The following HDAC9 variants were observed in gnomAD, a reference collection of about 807,000 sequenced individuals.
HDAC9 encodes the protein MEF-2 interacting transcription repressor (MITR) protein.
HDAC9 carries 41 observed loss-of-function variants against 139.4 expected under a neutral mutation model. The observed-to-expected ratio is 0.29, with a 90% CI of 0.23 to 0.38. HDAC9 has a LOEUF of 0.38. Ranked by LOEUF, HDAC9 falls within the 10% of genes least tolerant of loss-of-function variation. The pLI, the probability that HDAC9 is intolerant of heterozygous loss-of-function variation, is 1.00. For missense variants in HDAC9, 1,147 were observed against 1,297.0 expected, an observed-to-expected ratio of 0.88 and a Z score of 1.78; for synonymous variants, 517 against 476.2, an observed-to-expected ratio of 1.09 and a Z score of -1.12.
At chr7:18,970,285 G>C (rs1160928165) in intron 24 of HDAC9, among the ~76,000 whole-genome samples, 1 of 152,158 alleles carries the variant, frequency 6.6e-6, no homozygotes, top group Non-Finnish European at 1.5e-5. Flanking sequence ...AATTCTGCTT[G>C]TGTTATTTTC....
At position 18,634,642 on chromosome 7, in the gene HDAC9, G is replaced by A; in HGVS notation, c.812G>A (p.Ser271Asn). The A allele has an allele frequency of 6.3e-7, 1 of 1,581,824 alleles. No individual in the cohort carries two copies. Among genetic ancestry groups the A allele is most frequent in the Non-Finnish European group, 8.6e-7 (1 of 1,161,574 alleles). ...TATTTTTCAGAATCCTCAGTCAGTA[G>A]CAGTTCTCCAGGCTCTGGTCCCAGT... Reference protein sequence around the residue: ...MFEVTESSVSSSSPGSGPSSP... With the variant: ...MFEVTESSVSNSSPGSGPSSP... Residue 271 changes from serine to asparagine, a missense_variant, in exon 8 of 26, where the codon AGC (serine) becomes AAC (asparagine). Physicochemically the swap from Ser to Asn is conservative, Grantham distance 46 (BLOSUM62 1). Around this residue, in one of 7 missense-constraint regions of HDAC9, gnomAD observed 264 missense variants for 273.8 expected, o/e 0.96. Transcript: ENST00000686413.
At chr7:18,325,124 C>A (rs1465039729) in intron 1 of HDAC9, among the ~76,000 whole-genome samples, 1 of 151,912 alleles carries the variant, frequency 6.6e-6, no homozygotes, top group Non-Finnish European at 1.5e-5. Flanking sequence ...ACAAGAAGTA[C>A]TAGAAGTTAA....
At position 18,315,093 on chromosome 7, in the gene HDAC9, T is replaced by G. The variant is rs1180367125; in HGVS notation, c.-42+24578T>G. 2.6e-5 allele frequency among the ~76,000 whole-genome samples: 4 copies of G among 152,220 alleles called. No individual in the cohort carries two copies. In the East Asian group the frequency reaches 7.7e-4, roughly 29 times the overall value. On this transcript the variant is annotated intron_variant, in intron 1 of 3. Transcript: ENST00000413509. ...TATTAGGCAGAGTATCAGAACAGAA[T>G]GCATTTCTGTAATCCTCATGTTAAA...
chr7:18,920,110 T>C (rs1803564273), intron 22 of HDAC9, among the ~76,000 whole-genome samples: 2 of 152,162 alleles, frequency 1.3e-5, no homozygotes, highest in Non-Finnish European at 2.9e-5. Context: ...TTCACAAGAT[T>C]GATTCTTCCT....
intron 16 of HDAC9, among the ~76,000 whole-genome samples, chr7:18,772,929 T>G (rs1044417707): frequency 6.6e-6 from 1 of 152,124 alleles, no homozygotes; most frequent in Non-Finnish European, 1.5e-5. Flanking sequence ...TTGCATAGAT[T>G]ATGCTAATTG....
At chr7:18,935,760 A>G (rs749060621) in intron 22 of HDAC9, 49 bp from the exon 23 acceptor site, 2 of 1,552,658 alleles carry the variant, frequency 1.3e-6, no homozygotes, top group East Asian at 2.3e-5. Context: ...TCTAGTGATC[A>G]CTTTCTCTTG....
At chr7:18,133,197 CAAAA>C (rs1785141057) in intron 1 of HDAC9, among the ~76,000 whole-genome samples, 2 of 152,024 alleles carry the variant, frequency 1.3e-5, no homozygotes, top group Non-Finnish European at 2.9e-5. Flanking sequence ...AACTCTGGCT[CAAAA>C]TAGAACAAAT....
intron 2 of HDAC9, among the ~76,000 whole-genome samples, chr7:18,246,252 A>G (rs1199637974): frequency 6.6e-6 from 1 of 151,298 alleles, no homozygotes; most frequent in Non-Finnish European, 1.5e-5. Flanking sequence ...ACAGAGACTT[A>G]GAGGTGGAAG....
In HDAC9 at chr7:18,495,917, A is replaced by C; in HGVS notation, c.-148A>C. ...AATTTTCTACGTATTCTGACAAAGA[A>C]ATAACCCCGAAGCACGTTCCTATTT... On this transcript the variant is annotated 5_prime_UTR_variant, in exon 1 of 26. Coordinates refer to ENST00000686413, the MANE Select transcript of HDAC9 (RefSeq NM_178425.4). The C allele has an allele frequency of 8.2e-7, 1 of 1,216,842 alleles. No homozygotes were observed. The highest frequency in any genetic ancestry group is 1.0e-6 in the Non-Finnish European group (1 of 978,574). The allele number at this position is 1,216,842 out of a possible 1,614,324, so 75.4% of individuals were successfully genotyped here.
chr7:18,570,365 A>G (rs1434684373), intron 2 of HDAC9, among the ~76,000 whole-genome samples: 3 of 152,192 alleles, frequency 2.0e-5, no homozygotes, highest in Non-Finnish European at 4.4e-5. Context: ...AAGTGTGTCA[A>G]AATATGAAGA....
chr7:18,972,065 T>C (rs1186050710), intron 24 of HDAC9, among the ~76,000 whole-genome samples: 6 of 152,228 alleles, frequency 3.9e-5, no homozygotes, highest in Non-Finnish European at 7.3e-5. Context: ...ATTCTAAATG[T>C]GCATATTATG....
chr7:18,207,677 GTC>G (rs1417120126), intron 2 of HDAC9, among the ~76,000 whole-genome samples: 4 of 150,842 alleles, frequency 2.7e-5, no homozygotes, highest in Non-Finnish European at 5.9e-5. Flanking sequence ...CTTACATACT[GTC>G]TCTCATAATT....
intron 25 of HDAC9, among the ~76,000 whole-genome samples, chr7:18,993,920 A>C (rs1360903748): frequency 6.6e-6 from 1 of 152,254 alleles, no homozygotes; most frequent in Non-Finnish European, 1.5e-5. Flanking sequence ...AAAGAGGTCA[A>C]TATAAAATGA....
intron 2 of HDAC9, among the ~76,000 whole-genome samples, chr7:18,180,493 G>A (rs987747390): frequency 5.3e-5 from 8 of 151,670 alleles, no homozygotes; most frequent in Non-Finnish European, 7.4e-5. Context: ...TCCATCCTGC[G>A]GCCATATGAG....
In HDAC9 at chr7:18,165,717, G is replaced by C. The variant is rs62449104; in HGVS notation, c.25+3368G>C. Among the ~76,000 whole-genome samples, 1,389 of 151,730 alleles carry C rather than the reference G, an allele frequency of 9.2e-3. 12 individuals carry two copies. Among genetic ancestry groups the C allele is most frequent in the Non-Finnish European group, 0.014 (977 of 67,924 alleles). On this transcript the variant is annotated intron_variant, in intron 2 of 12. Coordinates refer to the HDAC9 transcript ENST00000417496. ...AGGTGGGAGGATTGCTCGAGCCCAG[G>C]AGGTCAAGGCTGCAGTGAGTGAGCC...
chr7:18,805,150 C>G (rs1793604061), intron 17 of HDAC9, among the ~76,000 whole-genome samples: 1 of 152,126 alleles, frequency 6.6e-6, no homozygotes, highest in Non-Finnish European at 1.5e-5. Flanking sequence ...TGCTCAGTCC[C>G]CTTCCTAAGC....
intron 17 of HDAC9, among the ~76,000 whole-genome samples, chr7:18,823,179 G>A (rs1795117046): frequency 1.3e-5 from 2 of 152,148 alleles, no homozygotes; most frequent in Non-Finnish European, 2.9e-5. Flanking sequence ...TGGTGGGGTA[G>A]GTGGGTAGAA....
intron 2 of HDAC9, among the ~76,000 whole-genome samples, chr7:18,533,040 A>T (rs1809564981): frequency 6.6e-6 from 1 of 152,218 alleles, no homozygotes; most frequent in Admixed American, 6.5e-5. Flanking sequence ...AATCAAATCA[A>T]TAGTATTTAT....
At position 18,936,310 on chromosome 7, in the gene HDAC9, T is replaced by G. The variant is rs1192411186; in HGVS notation, c.2937+368T>G. 2.0e-5 allele frequency among the ~76,000 whole-genome samples: 3 copies of G among 152,212 alleles called. No individual in the cohort carries two copies. In the East Asian group the frequency reaches 5.8e-4, roughly 29 times the overall value. On this transcript the variant is annotated intron_variant, in intron 23 of 25. Coordinates refer to ENST00000686413, the MANE Select transcript of HDAC9 (RefSeq NM_178425.4). ...GGGAAAAAAAAACTGTTTTAAAAAT[T>G]GGTAAACTATTTTTGTCACCATTTA...
Sources: allele counts gnomAD v4.1 joint callset (sites outside exome capture counted in the v4.1 genomes callset), GRCh38; gene constraint gnomAD v4.1.1; regional missense constraint gnomAD v4.1.1; transcripts MANE v1.5; gene names NCBI Gene and HGNC (gene_info 2026-07-23, HGNC 2026-07-21).